ATRNL1: variants seen among roughly 807,000 people sequenced by gnomAD.
ATRNL1 encodes attractin-like protein 1.
In ATRNL1, 95 loss-of-function variants were observed where a neutral mutation model predicts 182.7. The ratio of observed to expected loss-of-function variants is 0.52; its 90% confidence interval spans 0.44 to 0.62. The LOEUF is 0.62. Among genes scored for constraint, ATRNL1 ranks in the 20% least tolerant of loss-of-function variants. The probability of loss-of-function intolerance (pLI) is 0.00; values close to 1 mark genes in which losing one functional copy is unlikely to be tolerated. For synonymous variants in ATRNL1, 576 were observed against 568.3 expected (o/e 1.01, Z -0.19); for missense variants, 1,471 against 1,679.5 (o/e 0.88, Z 2.17).
At chr10:115,295,023 G>A (rs1237941645) in intron 15 of ATRNL1, among the ~76,000 whole-genome samples, 1 of 152,156 alleles carries the variant, frequency 6.6e-6, no homozygotes, top group African/African-American at 2.4e-5. Flanking sequence ...TCATAGGACT[G>A]TCACTCTTGG....
intron 28 of ATRNL1, among the ~76,000 whole-genome samples, chr10:115,898,062 G>A (rs1952253650): frequency 6.6e-6 from 1 of 151,836 alleles, no homozygotes; most frequent in Non-Finnish European, 1.5e-5. Flanking sequence ...CGAGTAGCTG[G>A]GACTATAGGC....
chr10:115,143,206 A>G (rs1346549089), intron 5 of ATRNL1, among the ~76,000 whole-genome samples: 1 of 152,184 alleles, frequency 6.6e-6, no homozygotes, highest in Non-Finnish European at 1.5e-5. Context: ...ATCCTGTGCT[A>G]GGCATATAAA....
chr10:115,529,818 A>G (rs782765074), intron 25 of ATRNL1, among the ~76,000 whole-genome samples: 9 of 152,148 alleles, frequency 5.9e-5, no homozygotes, highest in Non-Finnish European at 8.8e-5. Flanking sequence ...TTCTTCAACC[A>G]TTATTGCAAT....
chr10:115,809,440 C>T (rs183725646), intron 27 of ATRNL1, among the ~76,000 whole-genome samples: 44 of 152,092 alleles, frequency 2.9e-4, no homozygotes, highest in Non-Finnish European at 5.6e-4. Context: ...TGTGTCTCTT[C>T]TAAGCTACAA....
intron 28 of ATRNL1, among the ~76,000 whole-genome samples, chr10:115,890,814 C>T (rs1302709042): frequency 1.3e-5 from 2 of 152,072 alleles, no homozygotes; most frequent in South Asian, 2.1e-4. Flanking sequence ...CAGGTTTGCT[C>T]GATGGCCTGT....
chr10:115,877,086 A>T (rs2620953), intron 28 of ATRNL1, among the ~76,000 whole-genome samples: 1 of 152,160 alleles, frequency 6.6e-6, no homozygotes, highest in Non-Finnish European at 1.5e-5. Flanking sequence ...GTAATAGACT[A>T]GGCTTTGAGC....
chr10:115,828,652 A>G (rs143606682), intron 27 of ATRNL1, among the ~76,000 whole-genome samples: 55 of 152,272 alleles, frequency 3.6e-4, no homozygotes, highest in African/African-American at 1.3e-3. Flanking sequence ...TTATTTAGAC[A>G]AGCTCAAATT....
rs782520422 is a variant in ATRNL1 at position 115,300,274 on chromosome 10, C to T, written c.2629+27C>T. On this transcript the variant is annotated intron_variant, in intron 16 of 28. Coordinates refer to ENST00000355044, the MANE Select transcript of ATRNL1 (RefSeq NM_207303.4). The stretch of plus-strand genomic sequence containing the variant: ...TAAGTAGTCCAGTAAATTAGCATTC[C>T]TTTAAAAGTATGTTTCCCACCCATC... 8.3e-6 allele frequency: 13 copies of T among 1,572,406 alleles called. No individual in the cohort carries two copies. The Admixed American group carries it at 1.9e-4, about 23-fold the overall frequency.
intron 26 of ATRNL1, among the ~76,000 whole-genome samples, chr10:115,711,920 C>T (rs781858997): frequency 6.6e-6 from 1 of 152,130 alleles, no homozygotes; most frequent in Non-Finnish European, 1.5e-5. Context: ...TCCCAAGGAA[C>T]AATCATTAAA....
At chr10:115,754,599 G>C (rs1265806277) in intron 27 of ATRNL1, among the ~76,000 whole-genome samples, 1 of 152,136 alleles carries the variant, frequency 6.6e-6, no homozygotes, top group African/African-American at 2.4e-5. Flanking sequence ...AAGTCAGGTA[G>C]CATGATGCCT....
At chr10:115,489,857 C>T (rs782169492) in intron 24 of ATRNL1, among the ~76,000 whole-genome samples, 13 of 152,188 alleles carry the variant, frequency 8.5e-5, no homozygotes, top group South Asian at 2.1e-4. Context: ...TTGCAGTGGC[C>T]GGTACCAGTC....
At chr10:115,588,370 C>T (rs1461881498) in intron 26 of ATRNL1, among the ~76,000 whole-genome samples, 1 of 152,184 alleles carries the variant, frequency 6.6e-6, no homozygotes, top group Non-Finnish European at 1.5e-5. Flanking sequence ...ATAGAGAGGT[C>T]AGAGCATTGT....
At chr10:115,269,327 A>AT (rs1163019513) in intron 13 of ATRNL1, among the ~76,000 whole-genome samples, 55 of 151,930 alleles carry the variant, frequency 3.6e-4, no homozygotes, top group African/African-American at 1.1e-3. Flanking sequence ...AGAATTAAAG[A>AT]TTTTTTTGTT....
At chr10:115,334,934 G>A (rs961593301) in intron 19 of ATRNL1, among the ~76,000 whole-genome samples, 1 of 151,948 alleles carries the variant, frequency 6.6e-6, no homozygotes, top group South Asian at 2.1e-4. Context: ...TAACCTCTCA[G>A]TGTCTTATTT....
At chr10:115,376,181 TG>T (rs1325542397) in intron 19 of ATRNL1, among the ~76,000 whole-genome samples, 4 of 152,186 alleles carry the variant, frequency 2.6e-5, no homozygotes, top group African/African-American at 7.2e-5. Flanking sequence ...ATAAGGTTGT[TG>T]TTTTTTTTAA....
At chr10:115,170,523 G>C (rs1413844388) in intron 7 of ATRNL1, among the ~76,000 whole-genome samples, 4 of 149,728 alleles carry the variant, frequency 2.7e-5, no homozygotes, top group African/African-American at 1.0e-4. Flanking sequence ...AAGAGCACGT[G>C]ATGAAAACAG....
intron 27 of ATRNL1, among the ~76,000 whole-genome samples, chr10:115,793,695 A>G (rs1197923625): frequency 6.6e-6 from 1 of 152,134 alleles, no homozygotes; most frequent in Non-Finnish European, 1.5e-5. Context: ...TTTATTGACT[A>G]CCCACTATAT....
intron 8 of ATRNL1, among the ~76,000 whole-genome samples, chr10:115,172,410 T>C (rs1470437032): frequency 6.6e-6 from 1 of 152,036 alleles, no homozygotes; most frequent in East Asian, 1.9e-4. Flanking sequence ...TCTGGCTTAC[T>C]GTCACTGTGT....
chr10:115,167,368 GT>G (rs1482530866), intron 7 of ATRNL1, among the ~76,000 whole-genome samples: 3 of 151,878 alleles, frequency 2.0e-5, no homozygotes, highest in East Asian at 1.9e-4. Context: ...TCTCAAGATT[GT>G]TTTGGCTATT....
Sources: gnomAD v4.1 joint callset for allele counts (sites outside exome capture counted in the v4.1 genomes callset) on GRCh38, gnomAD v4.1.1 for gene constraint, MANE v1.5 for transcripts, NCBI Gene and HGNC (gene_info 2026-07-23, HGNC 2026-07-21) for gene names.